The following VCAN variants were observed in gnomAD, a reference collection of about 807,000 sequenced individuals.
VCAN encodes the protein versican.
VCAN carries 44 observed loss-of-function variants against 245.5 expected under a neutral mutation model. The ratio of observed to expected loss-of-function variants is 0.18; its 90% CI spans 0.14 to 0.23. VCAN has a LOEUF of 0.23. VCAN is among the 10% of genes least tolerant of loss of function. VCAN has a pLI of 1.00. For synonymous variants in VCAN, 1,413 were observed against 1,437.0 expected, an observed-to-expected ratio of 0.98 and a Z score of 0.38; for missense variants, 3,793 against 4,057.9, an observed-to-expected ratio of 0.93 and a Z score of 1.77.
intron 1 of VCAN, among the ~76,000 whole-genome samples, chr5:83,475,875 A>G (rs762404100): frequency 7.7e-4 from 117 of 152,208 alleles, no homozygotes; most frequent in Non-Finnish European, 1.4e-3. Context: ...TTGGTAGATA[A>G]AAACAGAGTT....
chr5:83,483,382 ACTT>A (rs1308836798), intron 1 of VCAN, 128 bp from the exon 2 acceptor site: 8 of 717,792 alleles, frequency 1.1e-5, no homozygotes, highest in Non-Finnish European at 1.9e-5. Flanking sequence ...AAGAGGAGCT[ACTT>A]CTTCTACTCT....
Position 83,520,585 on chromosome 5 carries a change from C to T in VCAN, c.2279C>T (p.Pro760Leu). The T allele has an allele frequency of 1.9e-6, 3 of 1,613,976 alleles. No homozygotes were observed. In the Middle Eastern group the frequency reaches 4.9e-4, roughly 266 times the overall value. ...PTLITKLSAE[P>L]TEVRDMEEDF... ...TTGATAACAAAGTTAAGTGCAGAGC[C>T]AACAGAAGTAAGAGATATGGAGGAA... The change falls in exon 7 of 15, where the codon CCA becomes CTA. Residue 760 changes from proline (P) to leucine (L), a missense_variant. By Grantham distance (98) the Pro-to-Leu change is moderately conservative. Transcript: ENST00000265077.
rs1746886564 is a variant in VCAN at position 83,539,697 on chromosome 5, A to G, written c.6694A>G (p.Ser2232Gly). The G allele has an allele frequency of 1.9e-6, 3 of 1,613,692 alleles. No individual in the cohort carries two copies. Among genetic ancestry groups the G allele is most frequent in the Admixed American group, 1.7e-5 (1 of 59,972 alleles). ...AGATTCACCAATCAAAAAGGAAGAA[A>G]GTACAAAACATTTTCCGAAAGGCAT... ...VTDSPIKKEE[S>G]TKHFPKGMRP... Residue 2232 changes from serine (S) to glycine (G), a missense_variant, in exon 8 of 15, where the codon AGT becomes GGT. Coordinates refer to ENST00000265077, the MANE Select transcript of VCAN (RefSeq NM_004385.5).
rs1746853053 is a variant in VCAN, at chr5:83,539,112, G to C, written c.6109G>C (p.Ala2037Pro). 1 of 1,614,022 alleles carries C rather than the reference G, an allele frequency of 6.2e-7. No individual in the cohort carries two copies. Among genetic ancestry groups the C allele is most frequent in the Non-Finnish European group, 8.5e-7 (1 of 1,179,990 alleles). Residue 2037 changes from alanine (A) to proline (P), a missense_variant, in exon 8 of 15, where the codon GCT (alanine) becomes CCT (proline). Physicochemically the swap from Ala to Pro is conservative, Grantham distance 27. Coordinates refer to ENST00000265077, the MANE Select transcript of VCAN (RefSeq NM_004385.5). ...TGCTGTGCAAAAGTTTTCTGGTACAGCTTCCTCCATTATCGACGAAGGATT... is the reference window on the plus strand; with the variant it reads ...TGCTGTGCAAAAGTTTTCTGGTACACCTTCCTCCATTATCGACGAAGGATT... ...PSAVQKFSGT[A>P]SSIIDEGLGE... is the part of the protein sequence containing the mutation.
At position 83,519,274 on chromosome 5, in the gene VCAN, G is replaced by A. The variant is rs887017007; in HGVS notation, c.1043-75G>A. ...AATACTCCCTACAAAATACTCAGGA[G>A]CACTTAACAAACACTGGGCATACAA... On this transcript the variant is annotated intron_variant, in intron 6 of 14. Coordinates refer to ENST00000265077, the MANE Select transcript of VCAN (RefSeq NM_004385.5). The A allele has an allele frequency of 6.0e-5, 90 of 1,492,638 alleles. No homozygotes were observed. In the Admixed American group the frequency reaches 1.5e-3, roughly 25 times the overall value. 92.5% of individuals were successfully genotyped at this position (1,492,638 alleles called of 1,614,324 possible).
At chr5:83,535,226 G>C (rs1746660688) in intron 7 of VCAN, among the ~76,000 whole-genome samples, 1 of 152,018 alleles carries the variant, frequency 6.6e-6, no homozygotes, top group Non-Finnish European at 1.5e-5. Context: ...AGTTTAAGTA[G>C]TTGAAAAGCT....
chr5:83,480,533 G>A (rs1282047568), intron 1 of VCAN, among the ~76,000 whole-genome samples: 1 of 152,148 alleles, frequency 6.6e-6, no homozygotes, highest in East Asian at 1.9e-4. Flanking sequence ...GAGTTTCAAA[G>A]GTGTTTCTGC....
chr5:83,539,132 A>T lies in VCAN; in HGVS notation c.6129A>T (p.Glu2043Asp), dbSNP rs1423315658. 2 of 1,613,908 alleles carry T rather than the reference A, an allele frequency of 1.2e-6. No individual in the cohort carries two copies. Among genetic ancestry groups the T allele is most frequent in the Non-Finnish European group, 1.7e-6 (2 of 1,179,986 alleles). ...FSGTASSIID[E>D]GLGEVGTVNE... ...GTACAGCTTCCTCCATTATCGACGA[A>T]GGATTGGGAGAAGTGGGTACTGTCA... The change falls in exon 8 of 15, where the codon GAA (glutamate) becomes GAT (aspartate). Residue 2043 changes from glutamate to aspartate, a missense_variant. This residue lies in a region of VCAN where 3,182 missense variants were observed against 3,250.3 expected (regional missense o/e 0.98). Transcript: ENST00000265077.
chr5:83,577,528 G>T (rs892957573), intron 13 of VCAN, among the ~76,000 whole-genome samples: 2 of 152,242 alleles, frequency 1.3e-5, no homozygotes, highest in South Asian at 2.1e-4. Context: ...CAAATTTGTG[G>T]TGTGTCTTCC....
rs765716453 is a variant in VCAN, at chr5:83,572,610, A to G, written c.9880+50A>G. The G allele has an allele frequency of 6.8e-5, 109 of 1,606,922 alleles. No homozygotes were observed. In the South Asian group the frequency reaches 1.1e-3, roughly 17 times the overall value. On this transcript the variant is annotated intron_variant, in intron 13 of 14. Transcript: ENST00000265077. Reference sequence around the variant, plus strand: ...TGTACTTAATCTTCATTTCAATTATAAAGATAATTCAGGAATTTGTGTCTC... The same window carrying G: ...TGTACTTAATCTTCATTTCAATTATGAAGATAATTCAGGAATTTGTGTCTC...
chr5:83,510,997 C>T (rs182042387), intron 5 of VCAN, among the ~76,000 whole-genome samples: 48 of 152,146 alleles, frequency 3.2e-4, no homozygotes, highest in African/African-American at 1.0e-3. Flanking sequence ...GCCTGTAATC[C>T]CAGCTACTTG....
chr5:83,542,919 A>C (rs1424434139), intron 8 of VCAN, among the ~76,000 whole-genome samples: 1 of 152,188 alleles, frequency 6.6e-6, no homozygotes, highest in Non-Finnish European at 1.5e-5. Context: ...GAAAGCATGA[A>C]TTTGATACTG....
chr5:83,519,469 T>C lies in VCAN; in HGVS notation c.1163T>C (p.Leu388Ser). Reference sequence around the variant, plus strand: ...CCAATCATCCCTTTAGTTGATGAATTACCTGTCATTCCAACAGAGTTCCCT... The same window carrying C: ...CCAATCATCCCTTTAGTTGATGAATCACCTGTCATTCCAACAGAGTTCCCT... ...TTPIIPLVDELPVIPTEFPPV... is the reference protein window; with the variant it reads ...TTPIIPLVDESPVIPTEFPPV... Residue 388 changes from leucine (L) to serine (S), a missense_variant, in exon 7 of 15, where the codon TTA becomes TCA. Transcript: ENST00000265077. 3 of 1,614,150 alleles carry C rather than the reference T, an allele frequency of 1.9e-6. No homozygotes were observed. Among genetic ancestry groups the C allele is most frequent in the Non-Finnish European group, 2.5e-6 (3 of 1,179,982 alleles).
intron 1 of VCAN, among the ~76,000 whole-genome samples, chr5:83,482,143 C>A (rs1290047609): frequency 6.6e-6 from 1 of 152,174 alleles, no homozygotes; most frequent in Non-Finnish European, 1.5e-5. Flanking sequence ...AGGACTTACG[C>A]CTTGCCTTTG....
intron 5 of VCAN, among the ~76,000 whole-genome samples, chr5:83,511,153 T>C (rs10473874): frequency 0.25 from 37,230 of 150,872 alleles, 4,948 homozygotes; most frequent in East Asian, 0.52. Flanking sequence ...TCTCTCTTTT[T>C]TTTTTCGAGA....
Position 83,495,873 on chromosome 5 carries a change from T to C in VCAN, c.748+1942T>C, listed in dbSNP as rs1001186655. 2.0e-5 allele frequency among the ~76,000 whole-genome samples: 3 copies of C among 152,308 alleles called. No individual in the cohort carries two copies. In the East Asian group the frequency reaches 5.8e-4, roughly 29 times the overall value. On this transcript the variant is annotated intron_variant, in intron 5 of 14. Coordinates refer to ENST00000265077, the MANE Select transcript of VCAN (RefSeq NM_004385.5). The stretch of plus-strand genomic sequence containing the variant: ...ATTCCTTGGTGGAAAGACAGGCTTA[T>C]GTACCCATGAAGCCACCAGCCAGAG...
At chr5:83,575,879 A>G (rs1748453260) in intron 13 of VCAN, among the ~76,000 whole-genome samples, 1 of 152,144 alleles carries the variant, frequency 6.6e-6, no homozygotes, top group Non-Finnish European at 1.5e-5. Context: ...AAGAAGGAAA[A>G]AAACCCTATT....
In VCAN at chr5:83,521,592, G is replaced by A. The variant is rs1746103334; in HGVS notation, c.3286G>A (p.Gly1096Arg). The change falls in exon 7 of 15, where the codon GGA (glycine) becomes AGA (arginine). Residue 1096 changes from glycine to arginine, a missense_variant. Gly to Arg is a moderately radical substitution (Grantham distance 125). Around this residue, in one of 5 missense-constraint regions of VCAN, gnomAD observed 3,182 missense variants for 3,250.3 expected, o/e 0.98. Coordinates refer to ENST00000265077, the MANE Select transcript of VCAN (RefSeq NM_004385.5). The part of the protein sequence containing the change: ...RVPVLETTPV[G>R]KIDHSVSYPP... ...CCCAGTTTTAGAAACAACTCCAGTT[G>A]GAAAAATTGATCACAGTGTGTCTTA... The A allele has an allele frequency of 6.2e-7, 1 of 1,613,876 alleles. No homozygotes were observed. The highest frequency in any genetic ancestry group is 1.3e-5 in the African/African-American group (1 of 74,900).
chr5:83,536,622 T>G (rs1746721866), intron 7 of VCAN: 1 of 156,878 alleles, frequency 6.4e-6, no homozygotes, highest in Non-Finnish European at 1.4e-5. Context: ...GGCCTCAATT[T>G]TTAATTTTTA....
Sources: gnomAD v4.1 joint callset for allele counts (sites outside exome capture counted in the v4.1 genomes callset) on GRCh38, gnomAD v4.1.1 for gene constraint, gnomAD v4.1.1 regional missense constraint, MANE v1.5 for transcripts, NCBI Gene and HGNC (gene_info 2026-07-23, HGNC 2026-07-21) for gene names.